Variants in SCML4 observed in about 807,000 individuals in gnomAD.
The protein encoded by SCML4 is Scm polycomb group protein like 4.
In SCML4, 34 loss-of-function variants were observed where a neutral mutation model predicts 41.1. That is an observed-to-expected ratio of 0.83 (90% CI 0.63 to 1.10). The LOEUF (loss-of-function observed/expected upper bound fraction) is 1.10, where lower values mean the gene tolerates loss of function less well. SCML4 is among the 50% of genes least tolerant of loss of function. SCML4 has a pLI of 0.00. For synonymous variants in SCML4, 214 were observed against 220.9 expected (o/e 0.97, Z 0.28); for missense variants, 522 against 534.1 (o/e 0.98, Z 0.22).
intron 6 of SCML4, among the ~76,000 whole-genome samples, chr6:107,710,871 CAGT>C (rs1459137084): frequency 3.1e-5 from 2 of 65,476 alleles, no homozygotes. Flanking sequence ...CATAAATGGC[CAGT>C]AGATTTGTTT....
chr6:107,812,452 T>G (rs776601331), intron 1 of SCML4, among the ~76,000 whole-genome samples: 33 of 152,220 alleles, frequency 2.2e-4, no homozygotes, highest in Non-Finnish European at 2.9e-4. Flanking sequence ...ATTTTATGTT[T>G]CAACTAGATT....
rs539038895 is a variant in SCML4, at chr6:107,715,227, T to C, written c.973+5476A>G. On this transcript the variant is annotated intron_variant, in intron 6 of 7. Transcript: ENST00000369020. ...TGACCTCAGATGATCCGCCCACCTC[T>C]GCCTCTCAAAGTGCTGGGATTACAG... Among the ~76,000 whole-genome samples, 7 of 133,170 alleles carry C rather than the reference T, an allele frequency of 5.3e-5. No individual in the cohort carries two copies. In the South Asian group the frequency reaches 1.8e-3, roughly 34 times the overall value. 87.4% of individuals were successfully genotyped at this position (133,170 alleles called of 152,430 possible).
intron 5 of SCML4, among the ~76,000 whole-genome samples, chr6:107,728,848 G>A (rs1448936475): frequency 6.6e-6 from 1 of 152,196 alleles, no homozygotes; most frequent in Non-Finnish European, 1.5e-5. Context: ...GCTCTGTAAA[G>A]TGGCTCCTGG....
intron 2 of SCML4, among the ~76,000 whole-genome samples, chr6:107,769,147 C>T (rs916175468): frequency 3.3e-5 from 5 of 152,154 alleles, no homozygotes; most frequent in African/African-American, 7.2e-5. Context: ...GAACATACGA[C>T]GTTCAGAGGT....
At chr6:107,845,947 A>C in the SCML4 span, among the ~76,000 whole-genome samples, 1 of 152,134 alleles carries the variant, frequency 6.6e-6, no homozygotes, top group Non-Finnish European at 1.5e-5. Flanking sequence ...TCCTGTCCCC[A>C]CCTGCAGTGA....
chr6:107,716,806 A>G (rs1288761059), intron 6 of SCML4, among the ~76,000 whole-genome samples: 2 of 152,202 alleles, frequency 1.3e-5, no homozygotes, highest in African/African-American at 4.8e-5. Flanking sequence ...CATCCCTTGC[A>G]GCAAGTGGCC....
At chr6:107,753,636 T>A (rs1778873783) in intron 2 of SCML4, among the ~76,000 whole-genome samples, 1 of 152,226 alleles carries the variant, frequency 6.6e-6, no homozygotes, top group Non-Finnish European at 1.5e-5. Flanking sequence ...TTTGTGTGTT[T>A]TTTAGCAAAA....
At chr6:107,731,646 C>A (rs1034678396) in intron 5 of SCML4, among the ~76,000 whole-genome samples, 1 of 152,204 alleles carries the variant, frequency 6.6e-6, no homozygotes, top group African/African-American at 2.4e-5. Context: ...CCCTGCCGAC[C>A]CCCACACCCT....
intron 1 of SCML4, among the ~76,000 whole-genome samples, chr6:107,813,161 G>A (rs1238301104): frequency 2.6e-5 from 4 of 150,962 alleles, no homozygotes; most frequent in African/African-American, 9.7e-5. Flanking sequence ...TCAGGAGTTC[G>A]AGACCAGCCT....
intron 1 of SCML4, among the ~76,000 whole-genome samples, chr6:107,822,749 TTA>T (rs1785043308): frequency 1.3e-5 from 2 of 152,198 alleles, no homozygotes; most frequent in East Asian, 3.9e-4. Context: ...TGTTTAAAAG[TTA>T]TAGTTTGTGA....
chr6:107,772,496 A>T, intron 1 of SCML4, 110 bp from the exon 2 acceptor site: 2 of 580,906 alleles, frequency 3.4e-6, no homozygotes, highest in South Asian at 5.0e-5. Context: ...CACTTATTGG[A>T]GGGGAAGACC....
At chr6:107,818,634 A>C (rs1351932682) in intron 1 of SCML4, among the ~76,000 whole-genome samples, 1 of 152,226 alleles carries the variant, frequency 6.6e-6, no homozygotes, top group Non-Finnish European at 1.5e-5. Context: ...ATCACTCAGA[A>C]ATGGTTAGGC....
At chr6:107,758,127 G>A (rs1779255897) in intron 2 of SCML4, among the ~76,000 whole-genome samples, 1 of 152,206 alleles carries the variant, frequency 6.6e-6, no homozygotes, top group Non-Finnish European at 1.5e-5. Flanking sequence ...TATGTGCCAG[G>A]AACTGTTCTA....
upstream of SCML4, among the ~76,000 whole-genome samples, chr6:107,825,936 CAAAAAAAA>C (rs71015515): frequency 6.4e-5 from 4 of 62,628 alleles, no homozygotes; most frequent in East Asian, 4.3e-4. Context: ...GACTCCATCT[CAAAAAAAA>C]AAAAAAAAAA....
At chr6:107,773,910 C>A (rs538263339) in intron 1 of SCML4, among the ~76,000 whole-genome samples, 11 of 152,186 alleles carry the variant, frequency 7.2e-5, no homozygotes, top group East Asian at 3.9e-4. Context: ...TCTACAAGGA[C>A]AAGATTGCTC....
At chr6:107,792,163 T>C (rs1183779627) in intron 1 of SCML4, among the ~76,000 whole-genome samples, 1 of 152,174 alleles carries the variant, frequency 6.6e-6, no homozygotes. Flanking sequence ...GATAACACTG[T>C]TGGGTAGAAT....
chr6:107,760,038 C>T (rs1358419003), intron 2 of SCML4, among the ~76,000 whole-genome samples: 1 of 152,104 alleles, frequency 6.6e-6, no homozygotes, highest in Non-Finnish European at 1.5e-5. Context: ...TTGTTGGTTT[C>T]TAAGCTCTTC....
At chr6:107,733,605 C>T (rs1471560311) in intron 5 of SCML4, among the ~76,000 whole-genome samples, 1 of 152,172 alleles carries the variant, frequency 6.6e-6, no homozygotes, top group Non-Finnish European at 1.5e-5. Context: ...ATAGCAGTAC[C>T]TTAGGGTCCG....
the SCML4 span, among the ~76,000 whole-genome samples, chr6:107,842,936 G>A: frequency 6.6e-6 from 1 of 151,918 alleles, no homozygotes; most frequent in South Asian, 2.1e-4. Context: ...AGTGTACTTT[G>A]TCAGATATTA....
Sources: allele counts gnomAD v4.1 joint callset (sites outside exome capture counted in the v4.1 genomes callset), GRCh38; gene constraint gnomAD v4.1.1; transcripts MANE v1.5; gene names NCBI Gene and HGNC (gene_info 2026-07-23, HGNC 2026-07-21).